Variants in RAB5A observed in about 807,000 individuals in gnomAD.
The protein encoded by RAB5A is ras-related protein Rab-5A.
Under a neutral mutation model 25.7 loss-of-function variants are expected in RAB5A, and 8 were observed. That is an observed-to-expected ratio of 0.31 (90% CI 0.18 to 0.56). RAB5A has a LOEUF of 0.56. Among genes scored for constraint, RAB5A ranks in the 20% least tolerant of loss-of-function variants. RAB5A has a pLI of 0.91. For missense variants in RAB5A, 192 were observed against 259.7 expected (o/e 0.74, Z 1.79); for synonymous variants, 98 against 89.8 (o/e 1.09, Z -0.52).
At chr3:19,955,551 A>G (rs1027338246) in intron 2 of RAB5A, among the ~76,000 whole-genome samples, 9 of 152,140 alleles carry the variant, frequency 5.9e-5, no homozygotes, top group Non-Finnish European at 7.4e-5. Flanking sequence ...TCACCCATAC[A>G]TGGAATAATT....
At chr3:19,970,489 G>A (rs1696734144) in intron 2 of RAB5A, 1 of 455,846 alleles carries the variant, frequency 2.2e-6, no homozygotes, top group African/African-American at 2.0e-5. Context: ...CTATCAGACA[G>A]GCCAGCACCC....
intron 5 of RAB5A, among the ~76,000 whole-genome samples, chr3:19,980,730 G>A (rs1049127781): frequency 3.3e-5 from 5 of 152,112 alleles, no homozygotes; most frequent in African/African-American, 1.2e-4. Context: ...CATTTCTGGG[G>A]CTTTGCTTGT....
At chr3:19,975,122 A>T (rs1303234991) in intron 2 of RAB5A, among the ~76,000 whole-genome samples, 1 of 151,454 alleles carries the variant, frequency 6.6e-6, no homozygotes, top group Non-Finnish European at 1.5e-5. Context: ...GCTACTCAGG[A>T]GGCTGAGGCA....
intron 2 of RAB5A, 157 bp from the exon 3 acceptor site, chr3:19,975,444 T>G: frequency 1.6e-6 from 1 of 617,774 alleles, no homozygotes; most frequent in Non-Finnish European, 2.6e-6. Context: ...TCTTTTTTTT[T>G]CCCCCCTCAT....
intron 2 of RAB5A, among the ~76,000 whole-genome samples, chr3:19,955,978 C>T (rs1239932935): frequency 6.6e-6 from 1 of 152,098 alleles, no homozygotes; most frequent in Admixed American, 6.5e-5. Flanking sequence ...TTATCTGTAT[C>T]TCTTTATAGG....
chr3:19,955,822 C>T (rs950130210), intron 2 of RAB5A, among the ~76,000 whole-genome samples: 4 of 151,886 alleles, frequency 2.6e-5, no homozygotes, highest in African/African-American at 4.8e-5. Flanking sequence ...ACCCAGGAGG[C>T]GGAGGAGGTT....
intron 2 of RAB5A, among the ~76,000 whole-genome samples, chr3:19,953,940 C>T (rs751818938): frequency 8.5e-5 from 13 of 152,146 alleles, no homozygotes; most frequent in South Asian, 2.1e-4. Flanking sequence ...GTAGGTAATA[C>T]GTATTTTTGT....
chr3:19,967,429 GC>G (rs35356598), intron 2 of RAB5A, among the ~76,000 whole-genome samples: 1 of 152,174 alleles, frequency 6.6e-6, no homozygotes, highest in South Asian at 2.1e-4. Flanking sequence ...ATAGGCATGA[GC>G]CATTGCGCTC....
chr3:19,948,984 C>T (rs183576245), intron 1 of RAB5A, among the ~76,000 whole-genome samples: 4 of 152,254 alleles, frequency 2.6e-5, no homozygotes, highest in Admixed American at 2.6e-4. Flanking sequence ...ATTTCAATCC[C>T]TACTATGTAT....
Position 19,985,112 on chromosome 3 carries a change from G to T in RAB5A, c.*1289G>T. 3.0e-6 allele frequency: 1 copy of T among 337,586 alleles called. No individual in the cohort carries two copies. 20.9% of individuals were successfully genotyped at this position (337,586 alleles called of 1,614,324 possible). Reference sequence around the variant, plus strand: ...TATGATAATGCAGAATTAGGAAAACGGTTCACCAGTGTTTAGTTTTATATT... The same window carrying T: ...TATGATAATGCAGAATTAGGAAAACTGTTCACCAGTGTTTAGTTTTATATT... On this transcript the variant is annotated 3_prime_UTR_variant, in exon 6 of 6. Coordinates refer to ENST00000273047, the MANE Select transcript of RAB5A (RefSeq NM_004162.5).
chr3:19,948,867 T>C (rs908720434), intron 1 of RAB5A, among the ~76,000 whole-genome samples: 1 of 152,136 alleles, frequency 6.6e-6, no homozygotes, highest in Non-Finnish European at 1.5e-5. Context: ...AAATGGAAAA[T>C]GTTTTGATTG....
chr3:19,959,654 G>T (rs1177429931), intron 2 of RAB5A, among the ~76,000 whole-genome samples: 5 of 142,992 alleles, frequency 3.5e-5, no homozygotes, highest in African/African-American at 5.3e-5. Flanking sequence ...TTGAGGCAGG[G>T]TCTTGCTCTG....
intron 2 of RAB5A, among the ~76,000 whole-genome samples, chr3:19,958,167 GTGTT>G (rs1265259406): frequency 6.6e-6 from 1 of 152,194 alleles, no homozygotes; most frequent in Non-Finnish European, 1.5e-5. Context: ...GAAAAATTGT[GTGTT>G]TGAAGTATTC....
intron 2 of RAB5A, among the ~76,000 whole-genome samples, chr3:19,966,658 T>G (rs753368366): frequency 2.0e-5 from 3 of 152,222 alleles, no homozygotes; most frequent in Non-Finnish European, 2.9e-5. Flanking sequence ...TTTCTCCACA[T>G]GATCACCCAC....
Position 19,983,814 on chromosome 3 carries a change from T to C in RAB5A, c.639T>C (p.Cys213=), listed in dbSNP as rs1696979581. ...EPTQPTRNQC[C]SN is the part of the protein sequence containing the mutation. ...CACAACCAACCAGGAATCAGTGTTG[T>C]AGTAACTAAACCTCTAGTTTGAACT... The change falls in exon 6 of 6, where the codon TGT becomes TGC. Residue 213 remains cysteine (C), a synonymous_variant. Transcript: ENST00000273047. 2 of 1,596,432 alleles carry C rather than the reference T, an allele frequency of 1.3e-6. No homozygotes were observed. Among genetic ancestry groups the C allele is most frequent in the South Asian group, 1.1e-5 (1 of 90,324 alleles).
At chr3:19,955,751 C>A (rs778254849) in intron 2 of RAB5A, among the ~76,000 whole-genome samples, 4 of 152,040 alleles carry the variant, frequency 2.6e-5, no homozygotes, top group African/African-American at 9.7e-5. Flanking sequence ...ATTAGCCAGG[C>A]ATGGTGGCGT....
In RAB5A at chr3:19,947,247, A is replaced by G; in HGVS notation, c.-368A>G. On this transcript the variant is annotated 5_prime_UTR_variant, in exon 1 of 6. Coordinates refer to ENST00000273047, the MANE Select transcript of RAB5A (RefSeq NM_004162.5). ...GGCAGAGGGAGGAGGAGGAGGAAGA[A>G]TTAGTCGGAACTCCAGCGCCGGCGG... 5.6e-6 allele frequency: 1 copy of G among 179,448 alleles called. No homozygotes were observed. The highest frequency in any genetic ancestry group is 1.1e-5 in the Non-Finnish European group (1 of 88,630). 11.1% of individuals were successfully genotyped at this position (179,448 alleles called of 1,614,324 possible).
Position 19,947,179 on chromosome 3 carries a change from GT to G in RAB5A, c.-432del. On this transcript the variant is annotated 5_prime_UTR_variant, in exon 1 of 6. Transcript: ENST00000273047. ...CCGGCGGTGGGACTTGAGTGTTTGT[GT>G]TTTGGTTCGTGAAGGAGCCGGCGGC... 6.2e-6 allele frequency: 1 copy of G among 160,614 alleles called. No individual in the cohort carries two copies. The highest frequency in any genetic ancestry group is 1.5e-4 in the South Asian group (1 of 6,550). 9.9% of individuals were successfully genotyped at this position (160,614 alleles called of 1,614,324 possible).
intron 2 of RAB5A, among the ~76,000 whole-genome samples, chr3:19,957,801 G>A (rs1696526286): frequency 6.6e-6 from 1 of 151,294 alleles, no homozygotes; most frequent in Admixed American, 6.6e-5. Context: ...ACCTCACAAT[G>A]TGTACATGTA....
Sources: gnomAD v4.1 joint callset for allele counts (sites outside exome capture counted in the v4.1 genomes callset) on GRCh38, gnomAD v4.1.1 for gene constraint, MANE v1.5 for transcripts, NCBI Gene and HGNC (gene_info 2026-07-23, HGNC 2026-07-21) for gene names.